The following SLC7A2 variants were observed in gnomAD, a reference collection of about 807,000 sequenced individuals.
SLC7A2 encodes solute carrier family 7 member 2.
A neutral mutation model predicts 58.9 loss-of-function variants in SLC7A2; 48 were observed. The observed-to-expected ratio is 0.82, with a 90% CI of 0.65 to 1.04. SLC7A2 has a LOEUF of 1.04. Among genes scored for constraint, SLC7A2 ranks in the 50% least tolerant of loss-of-function variants. The pLI is 0.00. For synonymous variants in SLC7A2, 363 were observed against 314.5 expected, an observed-to-expected ratio of 1.15 and a Z score of -1.63; for missense variants, 1,029 against 818.8, an observed-to-expected ratio of 1.26 and a Z score of -3.13.
intron 2 of SLC7A2, among the ~76,000 whole-genome samples, chr8:17,508,884 T>G (rs1485045359): frequency 6.6e-6 from 1 of 152,172 alleles, no homozygotes; most frequent in Non-Finnish European, 1.5e-5. Context: ...TTTCTCTCAG[T>G]TTTTGAAGTA....
chr8:17,526,183 A>T (rs1801216373), intron 2 of SLC7A2, among the ~76,000 whole-genome samples: 1 of 152,208 alleles, frequency 6.6e-6, no homozygotes, highest in Non-Finnish European at 1.5e-5. Context: ...AGAGGGGAGG[A>T]TACCAGAAGG....
At position 17,570,233 on chromosome 8, in the gene SLC7A2, C is replaced by T. The variant is rs1803447337; in HGVS notation, c.*5087C>T. The stretch of plus-strand genomic sequence containing the variant: ...TCTGGCCTACACCTGATTAATGGGC[C>T]CTTTATCTTTGGTGTCCCCTAGGAG... On this transcript the variant is annotated 3_prime_UTR_variant, in exon 13 of 13. Coordinates refer to ENST00000494857, the MANE Select transcript of SLC7A2 (RefSeq NM_001370338.1). The T allele has an allele frequency of 6.6e-6, 1 of 151,958 alleles. No homozygotes were observed. Among genetic ancestry groups the T allele is most frequent in the Non-Finnish European group, 1.5e-5 (1 of 68,006 alleles). The allele number at this position is 151,958 out of a possible 1,614,324, so 9.4% of individuals were successfully genotyped here. A position where few individuals can be genotyped will look rare whatever the true frequency, so the allele number is the denominator to read the frequency against.
chr8:17,540,205 A>G (rs558866491), intron 2 of SLC7A2, among the ~76,000 whole-genome samples: 13 of 152,104 alleles, frequency 8.5e-5, no homozygotes, highest in Non-Finnish European at 1.6e-4. Context: ...TTTTTTCCTT[A>G]CTTTTCTCCC....
At chr8:17,498,118 G>T in intron 1 of SLC7A2, among the ~76,000 whole-genome samples, 1 of 152,220 alleles carries the variant, frequency 6.6e-6, no homozygotes, top group Non-Finnish European at 1.5e-5. Flanking sequence ...AGCCTCTTCA[G>T]AGTTGTAAAT....
intron 2 of SLC7A2, among the ~76,000 whole-genome samples, chr8:17,514,695 C>T (rs1438855134): frequency 3.3e-5 from 5 of 152,078 alleles, no homozygotes; most frequent in African/African-American, 1.2e-4. Context: ...TTTGATTCAG[C>T]CAAAGATGAT....
chr8:17,552,030 CA>C (rs928795594), intron 7 of SLC7A2, 44 bp downstream of exon 7: 1 of 1,512,706 alleles, frequency 6.6e-7, no homozygotes, highest in African/African-American at 1.4e-5. Flanking sequence ...TGGGACTCTA[CA>C]AAGTAGTCAG....
chr8:17,568,608 A>G lies in SLC7A2; in HGVS notation c.*3462A>G. The G allele has an allele frequency of 6.6e-6, 1 of 152,226 alleles. No individual in the cohort carries two copies. Among genetic ancestry groups the G allele is most frequent in the East Asian group, 1.9e-4 (1 of 5,184 alleles). The allele number at this position is 152,226 out of a possible 1,614,324, so 9.4% of individuals were successfully genotyped here. A position where few individuals can be genotyped will look rare whatever the true frequency, so the allele number is the denominator to read the frequency against. On this transcript the variant is annotated 3_prime_UTR_variant, in exon 13 of 13. Transcript: ENST00000494857. ...TAAAAGAAATTTTTAAAAACTTTAA[A>G]ATTTTAAATATTAGTCAAAATACTT...
intron 2 of SLC7A2, among the ~76,000 whole-genome samples, chr8:17,536,367 C>G (rs1041693177): frequency 1.3e-5 from 2 of 152,148 alleles, no homozygotes; most frequent in African/African-American, 4.8e-5. Context: ...GAGTTCGAAA[C>G]CAGCCTGGCC....
At chr8:17,546,053 T>C (rs190212726) in intron 4 of SLC7A2, among the ~76,000 whole-genome samples, 18 of 152,360 alleles carry the variant, frequency 1.2e-4, no homozygotes, top group Admixed American at 3.9e-4. Flanking sequence ...CAAGAGAAGT[T>C]GCACCAATTG....
intron 3 of SLC7A2, among the ~76,000 whole-genome samples, chr8:17,544,238 A>T (rs1476242521): frequency 6.6e-6 from 1 of 152,236 alleles, no homozygotes; most frequent in East Asian, 1.9e-4. Context: ...TTTTTAAGTT[A>T]TAATTCTTTA....
chr8:17,519,895 C>A (rs1171663570), intron 2 of SLC7A2, among the ~76,000 whole-genome samples: 2 of 152,180 alleles, frequency 1.3e-5, no homozygotes, highest in South Asian at 4.1e-4. Flanking sequence ...CACCCTGCTT[C>A]TTCTTCTGTG....
rs765150388 is a variant in SLC7A2 at position 17,514,425 on chromosome 8, G to A, written c.-23+12123G>A. ...TTTTATTTTAGATTTCTTTAAATAC[G>A]TGAGAATACAATGGCATATAATGCA... On this transcript the variant is annotated intron_variant, in intron 2 of 12. Coordinates refer to ENST00000494857, the MANE Select transcript of SLC7A2 (RefSeq NM_001370338.1). Among the ~76,000 whole-genome samples the A allele has an allele frequency of 3.9e-5, 6 of 152,228 alleles. 1 individual carries two copies. The East Asian group carries it at 7.7e-4, about 20-fold the overall frequency.
At chr8:17,514,485 A>T (rs1434355908) in intron 2 of SLC7A2, among the ~76,000 whole-genome samples, 1 of 152,232 alleles carries the variant, frequency 6.6e-6, no homozygotes, top group African/African-American at 2.4e-5. Flanking sequence ...TCTAGAAAGA[A>T]AGAGATGGGG....
At chr8:17,549,822 T>C (rs933062719) in intron 5 of SLC7A2, among the ~76,000 whole-genome samples, 5 of 152,262 alleles carry the variant, frequency 3.3e-5, no homozygotes, top group Admixed American at 3.3e-4. Flanking sequence ...TTCAATTTCA[T>C]TATTATCAAT....
At chr8:17,532,867 A>C (rs960843884) in intron 2 of SLC7A2, among the ~76,000 whole-genome samples, 1 of 152,192 alleles carries the variant, frequency 6.6e-6, no homozygotes, top group Non-Finnish European at 1.5e-5. Flanking sequence ...GAGTTTCTCA[A>C]ATTTCTTTTT....
At chr8:17,537,985 C>T (rs1801746530) in intron 2 of SLC7A2, among the ~76,000 whole-genome samples, 1 of 152,144 alleles carries the variant, frequency 6.6e-6, no homozygotes, top group South Asian at 2.1e-4. Context: ...GCCTTATTCC[C>T]ACTGTGATGT....
At chr8:17,524,421 T>TACACACAC (rs367710230) in intron 2 of SLC7A2, among the ~76,000 whole-genome samples, 108 of 135,092 alleles carry the variant, frequency 8.0e-4, no homozygotes, top group African/African-American at 1.6e-3. Flanking sequence ...TGTGTGTGTG[T>TACACACAC]ACACACACAC....
chr8:17,538,798 T>C (rs1801782386), intron 2 of SLC7A2: 3 of 1,613,466 alleles, frequency 1.9e-6, no homozygotes, highest in South Asian at 1.1e-5. Flanking sequence ...AAAGAGCAGA[T>C]GTCTCACCAC....
chr8:17,543,326 C>T lies in SLC7A2; in HGVS notation c.-14C>T, dbSNP rs201409423. 2.5e-5 allele frequency: 40 copies of T among 1,602,294 alleles called. No homozygotes were observed. The highest frequency in any genetic ancestry group is 2.4e-4 in the African/African-American group (18 of 74,528). On this transcript the variant is annotated 5_prime_UTR_variant, in exon 3 of 13. Transcript: ENST00000494857. The stretch of plus-strand genomic sequence containing the variant: ...TCCTCCCTTCTGCTCAGGTCGCCTT[C>T]GTCAGACGTCAGAATGATTCCTTGC...
Sources: gnomAD v4.1 joint callset for allele counts (sites outside exome capture counted in the v4.1 genomes callset) on GRCh38, gnomAD v4.1.1 for gene constraint, MANE v1.5 for transcripts, NCBI Gene and HGNC (gene_info 2026-07-23, HGNC 2026-07-21) for gene names.